The following KIAA0040 variants were observed in gnomAD, a reference collection of about 807,000 sequenced individuals.
KIAA0040 encodes uncharacterized protein KIAA0040.
KIAA0040 carries 10 observed loss-of-function variants against 7.2 expected under a neutral mutation model. The ratio of observed to expected loss-of-function variants is 1.38; its 90% CI spans 0.85 to 2.34. The LOEUF (loss-of-function observed/expected upper bound fraction) is 2.34, where lower values mean the gene tolerates loss of function less well. KIAA0040 is among the 30% of genes most tolerant of loss of function. The probability of loss-of-function intolerance (pLI) is 0.00; values close to 1 mark genes in which losing one functional copy is unlikely to be tolerated. For synonymous variants in KIAA0040, 49 were observed against 40.1 expected, an observed-to-expected ratio of 1.22 and a Z score of -0.84; for missense variants, 89 against 108.2, an observed-to-expected ratio of 0.82 and a Z score of 0.79.
intron 1 of KIAA0040, among the ~76,000 whole-genome samples, chr1:175,184,964 T>C (rs765362278): frequency 7.9e-5 from 12 of 152,206 alleles, no homozygotes; most frequent in Non-Finnish European, 1.8e-4. Flanking sequence ...GCTGCAGATT[T>C]CCTTTGCAGG....
chr1:175,174,176 T>G (rs1213645284), intron 2 of KIAA0040, among the ~76,000 whole-genome samples: 2 of 152,178 alleles, frequency 1.3e-5, no homozygotes, highest in East Asian at 3.8e-4. Context: ...CTGTCATCTA[T>G]GTAGAGAAGA....
chr1:175,191,359 T>C (rs905894956), intron 1 of KIAA0040, among the ~76,000 whole-genome samples: 1 of 152,238 alleles, frequency 6.6e-6, no homozygotes, highest in Non-Finnish European at 1.5e-5. Flanking sequence ...GGCCAAATAT[T>C]GACAATGCAT....
chr1:175,173,637 G>A (rs558162906), intron 2 of KIAA0040, among the ~76,000 whole-genome samples: 47 of 152,302 alleles, frequency 3.1e-4, no homozygotes, highest in African/African-American at 1.1e-3. Flanking sequence ...CTAAGATGAT[G>A]GGGTGTTCAT....
At chr1:175,171,746 A>G (rs1174462501) in intron 2 of KIAA0040, among the ~76,000 whole-genome samples, 1 of 152,216 alleles carries the variant, frequency 6.6e-6, no homozygotes, top group Non-Finnish European at 1.5e-5. Flanking sequence ...AGTTACAAAG[A>G]GCCCATTGTA....
At chr1:175,182,144 A>G (rs1215343140) in intron 1 of KIAA0040, among the ~76,000 whole-genome samples, 1 of 152,180 alleles carries the variant, frequency 6.6e-6, no homozygotes, top group Non-Finnish European at 1.5e-5. Flanking sequence ...GGATAGGGCC[A>G]TAGGCAGGAG....
At chr1:175,172,774 G>A (rs1056774997) in intron 2 of KIAA0040, among the ~76,000 whole-genome samples, 2 of 152,194 alleles carry the variant, frequency 1.3e-5, no homozygotes, top group African/African-American at 4.8e-5. Context: ...AAAGTGGACT[G>A]GCAGTAAGTA....
chr1:175,178,971 G>C lies in KIAA0040; in HGVS notation c.-383-1287C>G, dbSNP rs369852268. Among the ~76,000 whole-genome samples, 83 of 10,318 alleles carry C rather than the reference G, an allele frequency of 8.0e-3. 1 individual carries two copies. The highest frequency in any genetic ancestry group is 0.023 in the African/African-American group (79 of 3,456). 6.8% of individuals were successfully genotyped at this position (10,318 alleles called of 152,430 possible). On this transcript the variant is annotated intron_variant, in intron 1 of 3. Coordinates refer to ENST00000423313, the MANE Select transcript of KIAA0040 (RefSeq NM_014656.3). The stretch of plus-strand genomic sequence containing the variant: ...GTTTTATCAGAGTGGGGGACGGGGC[G>C]GGGGGGGGGATATCATGGAGGAGAT...
chr1:175,159,988 C>T lies in KIAA0040; in HGVS notation c.*726G>A, dbSNP rs1447566911. The T allele has an allele frequency of 6.5e-6, 1 of 153,488 alleles. No individual in the cohort carries two copies. The highest frequency in any genetic ancestry group is 2.4e-5 in the African/African-American group (1 of 41,444). The allele number at this position is 153,488 out of a possible 1,614,324, so 9.5% of individuals were successfully genotyped here. ...GCTTTCAATGAATTTTGAACCATCA[C>T]ACTTTAAACATCTTGGCACAGGTGA... On this transcript the variant is annotated 3_prime_UTR_variant, in exon 4 of 4. Coordinates refer to ENST00000423313, the MANE Select transcript of KIAA0040 (RefSeq NM_014656.3).
chr1:175,159,917 C>A lies in KIAA0040; in HGVS notation c.*797G>T, dbSNP rs1316297422. On this transcript the variant is annotated 3_prime_UTR_variant, in exon 4 of 4. Transcript: ENST00000423313. The stretch of plus-strand genomic sequence containing the variant: ...AGGTCTTGGATCACATTAAACACCT[C>A]TCAGTGGCAATGAGGACGGACTTTG... 1 of 152,988 alleles carries A rather than the reference C, an allele frequency of 6.5e-6. No individual in the cohort carries two copies. Among genetic ancestry groups the A allele is most frequent in the Non-Finnish European group, 1.5e-5 (1 of 68,044 alleles). 9.5% of individuals were successfully genotyped at this position (152,988 alleles called of 1,614,324 possible).
rs1336333833 is a variant in KIAA0040, at chr1:175,177,633, T to A, written c.-332A>T. 6.6e-6 allele frequency: 1 copy of A among 152,166 alleles called. No homozygotes were observed. The highest frequency in any genetic ancestry group is 1.5e-5 in the Non-Finnish European group (1 of 68,028). The allele number at this position is 152,166 out of a possible 1,614,324, so 9.4% of individuals were successfully genotyped here. On this transcript the variant is annotated 5_prime_UTR_variant, in exon 2 of 4. The change abolishes the stop of an existing upstream ORF in the 5' untranslated region. Transcript: ENST00000423313. The stretch of plus-strand genomic sequence containing the variant: ...CACTCAGTGTGTGTCCTTGGGAAGG[T>A]CACTCAGCTGCTTTGAGTCTCAGTT...
chr1:175,190,642 A>G (rs6674635), intron 1 of KIAA0040, among the ~76,000 whole-genome samples: 74,330 of 152,018 alleles, frequency 0.49, 18,696 homozygotes, highest in Non-Finnish European at 0.56. Context: ...TTGGTCACCA[A>G]GTACTTCTGA....
intron 1 of KIAA0040, among the ~76,000 whole-genome samples, chr1:175,180,755 T>G (rs1001348839): frequency 6.6e-6 from 1 of 152,172 alleles, no homozygotes; most frequent in East Asian, 1.9e-4. Flanking sequence ...TTTCATGGGG[T>G]GCCATGTTGA....
intron 3 of KIAA0040, among the ~76,000 whole-genome samples, chr1:175,163,547 T>C (rs1463731991): frequency 6.6e-6 from 1 of 152,178 alleles, no homozygotes; most frequent in Non-Finnish European, 1.5e-5. Flanking sequence ...AAAGCAGCCT[T>C]TGGCATGCTT....
In KIAA0040 at chr1:175,160,221, GT is replaced by G. The variant is rs1337093113; in HGVS notation, c.*492del. 1 of 158,530 alleles carries G rather than the reference GT, an allele frequency of 6.3e-6. No homozygotes were observed. The highest frequency in any genetic ancestry group is 2.4e-5 in the African/African-American group (1 of 41,490). 9.8% of individuals were successfully genotyped at this position (158,530 alleles called of 1,614,324 possible). On this transcript the variant is annotated 3_prime_UTR_variant, in exon 4 of 4. Transcript: ENST00000423313. ...TTGCTGGTTAGGAAATTGTATATAT[GT>G]GTCTGAATCTGGCAAGGCTTTCCCA...
At chr1:175,177,360 G>T (rs1677245674) in intron 2 of KIAA0040, among the ~76,000 whole-genome samples, 1 of 152,246 alleles carries the variant, frequency 6.6e-6, no homozygotes, top group African/African-American at 2.4e-5. Context: ...GGCAGAAGAT[G>T]CCATAGGGAT....
intron 1 of KIAA0040, among the ~76,000 whole-genome samples, chr1:175,186,125 C>T (rs1269069289): frequency 2.0e-5 from 3 of 152,010 alleles, no homozygotes; most frequent in Non-Finnish European, 2.9e-5. Flanking sequence ...GGTGATTGCA[C>T]AATATTCTGA....
At chr1:175,183,481 G>A (rs989647584) in intron 1 of KIAA0040, among the ~76,000 whole-genome samples, 3 of 152,194 alleles carry the variant, frequency 2.0e-5, no homozygotes, top group Non-Finnish European at 4.4e-5. Flanking sequence ...GCAGAGCCAG[G>A]TGATGGGTTG....
intron 3 of KIAA0040, among the ~76,000 whole-genome samples, chr1:175,163,769 C>T (rs937335056): frequency 6.6e-6 from 1 of 152,170 alleles, no homozygotes; most frequent in Non-Finnish European, 1.5e-5. Context: ...GATAACACCA[C>T]CACCACAAAT....
At position 175,163,150 on chromosome 1, in the gene KIAA0040, C is replaced by T. The variant is rs115312924; in HGVS notation, c.-133-2004G>A. Among the ~76,000 whole-genome samples the T allele has an allele frequency of 5.5e-3, 836 of 152,264 alleles. 6 individuals are homozygous for T. Among genetic ancestry groups the T allele is most frequent in the African/African-American group, 0.019 (793 of 41,554 alleles). ...TCTGTTCACAGGCGTTGCTCTGTGG[C>T]CTCCTATTCCTTTGTGTGGAATTAA... On this transcript the variant is annotated intron_variant, in intron 3 of 3. Transcript: ENST00000423313.
Sources: gnomAD v4.1 joint callset for allele counts (sites outside exome capture counted in the v4.1 genomes callset) on GRCh38, gnomAD v4.1.1 for gene constraint, MANE v1.5 for transcripts, NCBI Gene and HGNC (gene_info 2026-07-23, HGNC 2026-07-21) for gene names.